The following DIP2A variants were observed in gnomAD, a reference collection of about 807,000 sequenced individuals.
DIP2A encodes DIP2 acetate--CoA ligase A, also known as disco-interacting protein 2 homolog A.
Under a neutral mutation model 177.4 loss-of-function variants are expected in DIP2A, and 85 were observed. The ratio of observed to expected loss-of-function variants is 0.48; its 90% confidence interval spans 0.40 to 0.57. The LOEUF is 0.57. Ranked by LOEUF, DIP2A falls within the 20% of genes least tolerant of loss-of-function variation. DIP2A has a pLI of 0.00. For missense variants in DIP2A, 1,791 were observed against 2,100.2 expected (o/e 0.85, Z 2.88); for synonymous variants, 886 against 881.8 (o/e 1.00, Z -0.08).
rs1265959381 is a variant in DIP2A at position 46,534,033 on chromosome 21, G to C, written c.1459G>C (p.Asp487His). 1.2e-6 allele frequency: 2 copies of C among 1,613,752 alleles called. No individual in the cohort carries two copies. Among genetic ancestry groups the C allele is most frequent in the South Asian group, 1.1e-5 (1 of 91,028 alleles). ...GCCCCCGCTCTCCTGGCTAGTGATTGATGGGAAGCATCTAGCCAAGCCCCC... is the reference window on the plus strand; with the variant it reads ...GCCCCCGCTCTCCTGGCTAGTGATTCATGGGAAGCATCTAGCCAAGCCCCC... ...GWPPLSWLVI[D>H]GKHLAKPPKD... The change falls in exon 12 of 38, where the codon GAT becomes CAT. Residue 487 changes from aspartate (D) to histidine (H), a missense_variant. Coordinates refer to ENST00000417564, the MANE Select transcript of DIP2A (RefSeq NM_015151.4).
chr21:46,503,571 T>TTCCTTCCTTCCTTCCTTCCTTCCTTC (rs2057778973), intron 5 of DIP2A, among the ~76,000 whole-genome samples: 1 of 83,672 alleles, frequency 1.2e-5, no homozygotes, highest in African/African-American at 4.7e-5. Context: ...TGAGGGAATT[T>TTCCTTCCTTCCTTCCTTCCTTCCTTC]CTTCCTTCCT....
intron 8 of DIP2A, among the ~76,000 whole-genome samples, chr21:46,527,624 T>G (rs1395154263): frequency 1.3e-5 from 2 of 151,632 alleles, no homozygotes; most frequent in Non-Finnish European, 2.9e-5. Context: ...CCGTGCCCAG[T>G]CTAGTATTTT....
At chr21:46,542,318 A>C (rs2059852274) in intron 18 of DIP2A, among the ~76,000 whole-genome samples, 1 of 152,250 alleles carries the variant, frequency 6.6e-6, no homozygotes, top group African/African-American at 2.4e-5. Context: ...TGTTCCAGGC[A>C]CAGGCTTCAT....
chr21:46,543,957 G>C (rs1000539577), intron 18 of DIP2A, among the ~76,000 whole-genome samples: 5 of 152,156 alleles, frequency 3.3e-5, no homozygotes, highest in African/African-American at 1.2e-4. Context: ...TCTTTTTACT[G>C]TCTTTGGAGA....
At chr21:46,514,151 T>C (rs949360158) in intron 8 of DIP2A, among the ~76,000 whole-genome samples, 1 of 152,130 alleles carries the variant, frequency 6.6e-6, no homozygotes, top group African/African-American at 2.4e-5. Context: ...ATGATGACTT[T>C]GTGCTGGGCG....
chr21:46,538,532 T>G lies in DIP2A; in HGVS notation c.1851T>G (p.Ala617=), dbSNP rs138034357. ...GAGACATGCACTGGTCTCTCCTAGCTCAGCGGGGCCAGAGGGACGTCAGCC... is the reference window on the plus strand; with the variant it reads ...GAGACATGCACTGGTCTCTCCTAGCGCAGCGGGGCCAGAGGGACGTCAGCC... The part of the protein sequence containing the change: ...KSRDMHWSLL[A]QRGQRDVSLS... The change falls in exon 16 of 38, where the codon GCT becomes GCG. Residue 617 remains alanine (A), a synonymous_variant. Transcript: ENST00000417564. The G allele has an allele frequency of 2.0e-4, 307 of 1,561,540 alleles. 1 individual carries two copies. In the African/African-American group the frequency reaches 2.3e-3, roughly 12 times the overall value.
downstream of DIP2A, among the ~76,000 whole-genome samples, chr21:46,570,217 C>T (rs1338092065): frequency 2.6e-5 from 4 of 152,120 alleles, no homozygotes. Flanking sequence ...AGAGTTCATG[C>T]CAGGTGTGAA....
chr21:46,554,363 AC>A (rs2060378748), intron 26 of DIP2A, 71 bp downstream of exon 26: 1 of 1,586,188 alleles, frequency 6.3e-7, no homozygotes, highest in African/African-American at 1.3e-5. Context: ...AGCCCCCTAG[AC>A]ACTCCCTCCC....
chr21:46,491,474 T>C (rs2057009727), intron 3 of DIP2A, among the ~76,000 whole-genome samples: 1 of 152,354 alleles, frequency 6.6e-6, no homozygotes, highest in South Asian at 2.1e-4. Flanking sequence ...AGATAATGTC[T>C]TACCAATTTG....
rs199983248 is a variant in DIP2A at position 46,557,660 on chromosome 21, C to T, written c.3705C>T (p.Ala1235=). Residue 1235 remains alanine, a synonymous_variant, in exon 31 of 38, where the codon GCC becomes GCT. Transcript: ENST00000417564. This position sits in a 1 kb window ranked among gnomAD's most constrained non-coding sequence, Gnocchi z 6.0. ...LESNVSLWLS[A]VSQYKARVTF... ...GCAACGTGTCCCTGTGGCTGTCGGC[C>T]GTCAGCCAGTACAAGGCCCGCGTCA... 5.1e-5 allele frequency: 83 copies of T among 1,612,708 alleles called. No homozygotes were observed. The African/African-American group carries it at 8.1e-4, about 16-fold the overall frequency.
intron 9 of DIP2A, among the ~76,000 whole-genome samples, chr21:46,531,798 C>T (rs961605054): frequency 3.3e-5 from 5 of 152,164 alleles, no homozygotes; most frequent in African/African-American, 1.2e-4. Flanking sequence ...CTGTTAAAAC[C>T]AAATTTTGAA....
intron 9 of DIP2A, among the ~76,000 whole-genome samples, chr21:46,531,314 G>A (rs1470583556): frequency 2.0e-5 from 3 of 152,148 alleles, no homozygotes; most frequent in Non-Finnish European, 4.4e-5. Flanking sequence ...CAGTAGGTGG[G>A]TATTTGACCC....
chr21:46,511,494 G>T lies in DIP2A; in HGVS notation c.982G>T (p.Gly328Cys). 6.2e-7 allele frequency: 1 copy of T among 1,613,200 alleles called. No homozygotes were observed. Among genetic ancestry groups the T allele is most frequent in the Non-Finnish European group, 8.5e-7 (1 of 1,179,594 alleles). ...GCTGAGAGGGGAGCCTCTCACTGCA[G>T]GTGTCCCCCGACCGCCGTCGCTGTT... ...SVLRGEPLTA[G>C]VPRPPSLLAT... is the part of the protein sequence containing the mutation. The change falls in exon 8 of 38, where the codon GGT (glycine) becomes TGT (cysteine). Residue 328 changes from glycine (G) to cysteine (C), a missense_variant. Physicochemically the swap from Gly to Cys is radical, Grantham distance 159. Transcript: ENST00000417564.
intron 1 of DIP2A, among the ~76,000 whole-genome samples, chr21:46,479,579 G>T (rs78419808): frequency 0.046 from 7,065 of 152,198 alleles, 529 homozygotes; most frequent in African/African-American, 0.16. Context: ...AAGCTGGAGT[G>T]CAGTGGTGCG....
At chr21:46,466,915 T>TA (rs76710001) in intron 1 of DIP2A, among the ~76,000 whole-genome samples, 40,665 of 152,014 alleles carry the variant, frequency 0.27, 5,548 homozygotes, top group East Asian at 0.43. Flanking sequence ...TACCTCTTCT[T>TA]ACTAAATGTT....
chr21:46,561,220 G>A, intron 33 of DIP2A: 1 of 277,952 alleles, frequency 3.6e-6, no homozygotes, highest in Non-Finnish European at 6.8e-6. Context: ...TTTTTAGAGG[G>A]ATAGGGACAG....
At chr21:46,560,240 A>T in intron 32 of DIP2A, among the ~76,000 whole-genome samples, 1 of 152,206 alleles carries the variant, frequency 6.6e-6, no homozygotes, top group East Asian at 1.9e-4. Context: ...GTCGGGATTA[A>T]TGTTAACTGT....
In DIP2A at chr21:46,497,789, C is replaced by T. The variant is rs1001112412; in HGVS notation, c.403+682C>T. On this transcript the variant is annotated intron_variant, in intron 4 of 37. Coordinates refer to ENST00000417564, the MANE Select transcript of DIP2A (RefSeq NM_015151.4). ...ACAATAAAACCAAACACACCAGATT[C>T]GTAAGATGATTTAGTGGTTTTGGTA... Among the ~76,000 whole-genome samples, 30 of 152,034 alleles carry T rather than the reference C, an allele frequency of 2.0e-4. 1 individual carries two copies. Among genetic ancestry groups the T allele is most frequent in the Non-Finnish European group, 2.9e-4 (20 of 68,018 alleles).
At chr21:46,558,883 G>T (rs2060566887) in intron 32 of DIP2A, 2 of 203,054 alleles carry the variant, frequency 9.8e-6, no homozygotes, top group African/African-American at 4.8e-5. Flanking sequence ...CGGATTACCT[G>T]AGGTCAGGAA....
Sources: allele counts gnomAD v4.1 joint callset (sites outside exome capture counted in the v4.1 genomes callset), GRCh38; gene constraint gnomAD v4.1.1; non-coding constraint Gnocchi (gnomAD v3.1); transcripts MANE v1.5; gene names NCBI Gene and HGNC (gene_info 2026-07-23, HGNC 2026-07-21).